WDR38: variants seen among roughly 807,000 people sequenced by gnomAD.
The protein encoded by WDR38 is WD repeat domain 38, also known as WD repeat-containing protein 38.
In WDR38, 37 loss-of-function variants were observed where a neutral mutation model predicts 36.6. The observed-to-expected ratio is 1.01, with a 90% CI of 0.78 to 1.33. The LOEUF is 1.33. Among genes scored for constraint, WDR38 ranks in the 40% most tolerant of loss-of-function variants. The pLI, the probability that WDR38 is intolerant of heterozygous loss-of-function variation, is 0.00. For synonymous variants in WDR38, 164 were observed against 168.1 expected (o/e 0.98, Z 0.19); for missense variants, 411 against 414.6 (o/e 0.99, Z 0.07).
intron 2 of WDR38, 126 bp downstream of exon 2, chr9:124,854,451 G>A (rs1025197639): frequency 2.1e-6 from 3 of 1,454,654 alleles, no homozygotes; most frequent in East Asian, 2.3e-5. Flanking sequence ...TTGGGAGATG[G>A]GACGAGATAT....
chr9:124,857,857 A>G lies in WDR38; in HGVS notation c.*227A>G. ...CAGACCCACCCACCTCCACCCAATCAGTGGAAGTGCCAGGAAACAAAGCAG... is the reference window on the plus strand; with the variant it reads ...CAGACCCACCCACCTCCACCCAATCGGTGGAAGTGCCAGGAAACAAAGCAG... On this transcript the variant is annotated 3_prime_UTR_variant, in exon 9 of 9. Coordinates refer to ENST00000373574, the MANE Select transcript of WDR38 (RefSeq NM_001045476.3). 1 of 1,589,758 alleles carries G rather than the reference A, an allele frequency of 6.3e-7. No homozygotes were observed. The highest frequency in any genetic ancestry group is 8.6e-7 in the Non-Finnish European group (1 of 1,163,804).
At chr9:124,855,552 C>A in intron 2 of WDR38, 82 bp from the exon 3 acceptor site, 1 of 1,403,904 alleles carries the variant, frequency 7.1e-7, no homozygotes, top group Non-Finnish European at 9.8e-7. Flanking sequence ...GGCGACGAGG[C>A]TGGAGAAATT....
At chr9:124,853,663 T>A (rs1158658915) in intron 1 of WDR38, 63 bp downstream of exon 1, 1 of 1,175,366 alleles carries the variant, frequency 8.5e-7, no homozygotes, top group Non-Finnish European at 1.1e-6. Flanking sequence ...CCTGGTTCTG[T>A]GTAGTGGGGG....
chr9:124,853,644 AG>A lies in WDR38; in HGVS notation c.69+45del, dbSNP rs200898102. The stretch of plus-strand genomic sequence containing the variant: ...TGCCCAGACTCCCGGCTTTGGATGC[AG>A]AGTGGTTCCTGGTTCTGTGTAGTGG... On this transcript the variant is annotated intron_variant, in intron 1 of 8. Coordinates refer to ENST00000373574, the MANE Select transcript of WDR38 (RefSeq NM_001045476.3). The A allele has an allele frequency of 2.7e-3, 3,384 of 1,249,082 alleles. 122 individuals are homozygous for A. The Admixed American group carries it at 0.076, about 28-fold the overall frequency. 77.4% of individuals were successfully genotyped at this position (1,249,082 alleles called of 1,614,324 possible). A position where few individuals can be genotyped will look rare whatever the true frequency, so the allele number is the denominator to read the frequency against.
chr9:124,855,341 CAG>C (rs1283241794), intron 2 of WDR38, among the ~76,000 whole-genome samples: 2 of 152,190 alleles, frequency 1.3e-5, no homozygotes, highest in African/African-American at 2.4e-5. Context: ...GAGGGAAAAT[CAG>C]GGGCTGGAGC....
Position 124,856,579 on chromosome 9 carries a change from C to G in WDR38, c.597C>G (p.Cys199Trp). The G allele has an allele frequency of 3.1e-6, 5 of 1,613,926 alleles. No homozygotes were observed. The highest frequency in any genetic ancestry group is 4.2e-6 in the Non-Finnish European group (5 of 1,179,958). ...EGHSANISCL[C>W]YSASGLLASG... ...ACAGTGCCAACATCAGCTGCCTGTG[C>G]TATTCAGCATCCGGCCTCCTGGTAA... Residue 199 changes from cysteine to tryptophan, a missense_variant, in exon 6 of 9, where the codon TGC becomes TGG. By Grantham distance (215) the Cys-to-Trp change is radical (BLOSUM62 -2). Coordinates refer to ENST00000373574, the MANE Select transcript of WDR38 (RefSeq NM_001045476.3).
In WDR38 at chr9:124,856,245, C is replaced by T. The variant is rs544368328; in HGVS notation, c.411C>T (p.Gly137=). ...CAGCTCAGGGCTCTCTCTAGTCCGG[C>T]CAGATGCTGCGCCTCTTAGTTGGGC... ...KRVMLWDVQS[G]QMLRLLVGHR... is the part of the protein sequence containing the mutation. The change falls in exon 5 of 9, where the codon GGC becomes GGT. Residue 137 remains glycine, a synonymous_variant. Transcript: ENST00000373574. 6.2e-7 allele frequency: 1 copy of T among 1,614,066 alleles called. No homozygotes were observed. The highest frequency in any genetic ancestry group is 1.3e-5 in the African/African-American group (1 of 74,962).
intron 7 of WDR38, among the ~76,000 whole-genome samples, chr9:124,857,093 G>GGCAT (rs1829095604): frequency 6.6e-6 from 1 of 152,226 alleles, no homozygotes; most frequent in South Asian, 2.1e-4. Context: ...TGACCCAAAT[G>GGCAT]GCATCAGGCA....
chr9:124,853,916 TTAGAG>T (rs949554722), intron 1 of WDR38, among the ~76,000 whole-genome samples: 17 of 152,262 alleles, frequency 1.1e-4, no homozygotes, highest in Non-Finnish European at 1.0e-4. Context: ...AACTCAGAAC[TTAGAG>T]TAGATTCTGG....
rs371543329 is a variant in WDR38, at chr9:124,856,294, G to T, written c.460G>T (p.Asp154Tyr). The T allele has an allele frequency of 1.9e-6, 3 of 1,614,092 alleles. No individual in the cohort carries two copies. In the African/African-American group the frequency reaches 4.0e-5, roughly 22 times the overall value. ...GCACCGTGACTCCATCCAGAGCAGC[G>T]ACTTCTCACCCACGGTGAACTGCCT... is the stretch of plus-strand genomic sequence containing the variant. ...VGHRDSIQSS[D>Y]FSPTVNCLAT... The change falls in exon 5 of 9, where the codon GAC becomes TAC. Residue 154 changes from aspartate (D) to tyrosine (Y), a missense_variant. Physicochemically the swap from Asp to Tyr is radical, Grantham distance 160 (BLOSUM62 -3). Coordinates refer to ENST00000373574, the MANE Select transcript of WDR38 (RefSeq NM_001045476.3).
chr9:124,856,848 GC>G lies in WDR38; in HGVS notation c.736del (p.Leu246CysfsTer26). On this transcript the variant is annotated frameshift_variant, in exon 7 of 9. Transcript: ENST00000373574. LOFTEE classifies it high-confidence loss of function. ...VKSIAFSPDELWLASAGYSRM... is the reference protein window; with the variant it reads ...VKSIAFSPDEXWLASAGYSRM... Reference sequence around the variant, plus strand: ...AGAGCATAGCCTTCTCTCCCGACGAGCTGTGGCTGGCCAGCGCCGGCTATTC... The same window carrying G: ...AGAGCATAGCCTTCTCTCCCGACGAGTGTGGCTGGCCAGCGCCGGCTATTC... 1 of 1,614,174 alleles carries G rather than the reference GC, an allele frequency of 6.2e-7. No individual in the cohort carries two copies. The highest frequency in any genetic ancestry group is 8.5e-7 in the Non-Finnish European group (1 of 1,180,034).
At chr9:124,857,479 G>A in intron 8 of WDR38, 23 bp from the exon 9 acceptor site, 2 of 1,614,118 alleles carry the variant, frequency 1.2e-6, no homozygotes, top group Non-Finnish European at 1.7e-6. Context: ...CTTGCCTCGA[G>A]CCCCACCTTC....
At chr9:124,856,032 C>G (rs1294091564) in intron 4 of WDR38, 74 bp downstream of exon 4, 2 of 1,587,640 alleles carry the variant, frequency 1.3e-6, no homozygotes, top group African/African-American at 1.3e-5. Context: ...CAGTCTTGCC[C>G]TCCCAGCTCA....
chr9:124,856,542 C>G lies in WDR38; in HGVS notation c.560C>G (p.Ala187Gly). The G allele has an allele frequency of 6.2e-7, 1 of 1,613,204 alleles. No homozygotes were observed. The highest frequency in any genetic ancestry group is 1.1e-5 in the South Asian group (1 of 90,984). The part of the protein sequence containing the change: ...RMVTPAVSHQ[A>G]LEGHSANISC... The stretch of plus-strand genomic sequence containing the variant: ...GTGACCCCAGCAGTCTCCCACCAGG[C>G]GCTAGAGGGACACAGTGCCAACATC... Residue 187 changes from alanine to glycine, a missense_variant, in exon 6 of 9, where the codon GCG becomes GGG. Ala to Gly is a moderately conservative substitution (Grantham distance 60). Coordinates refer to ENST00000373574, the MANE Select transcript of WDR38 (RefSeq NM_001045476.3).
intron 4 of WDR38, 23 bp from the exon 5 acceptor site, chr9:124,856,217 C>G (rs770457699): frequency 6.2e-7 from 1 of 1,614,012 alleles, no homozygotes; most frequent in Non-Finnish European, 8.5e-7. Context: ...CTGCTGCCTT[C>G]TGCAGCTCAG....
In WDR38 at chr9:124,857,702, A is replaced by T; in HGVS notation, c.*72A>T. Reference sequence around the variant, plus strand: ...GCGCACAGGCATGCCGCTTCTCCCCACAGACGCAAAGTGACTGTGCTGGCA... The same window carrying T: ...GCGCACAGGCATGCCGCTTCTCCCCTCAGACGCAAAGTGACTGTGCTGGCA... On this transcript the variant is annotated 3_prime_UTR_variant, in exon 9 of 9. Transcript: ENST00000373574. The T allele has an allele frequency of 6.3e-7, 1 of 1,597,484 alleles. No individual in the cohort carries two copies. Among genetic ancestry groups the T allele is most frequent in the Non-Finnish European group, 8.5e-7 (1 of 1,173,612 alleles).
At position 124,856,347 on chromosome 9, in the gene WDR38, C is replaced by T. The variant is rs1173460234; in HGVS notation, c.486+27C>T. 4 of 1,613,934 alleles carry T rather than the reference C, an allele frequency of 2.5e-6. No homozygotes were observed. In the South Asian group the frequency reaches 4.4e-5, roughly 18 times the overall value. On this transcript the variant is annotated intron_variant, in intron 5 of 8. Transcript: ENST00000373574. Reference sequence around the variant, plus strand: ...TGAGCCTACCCTCTGCCCTGGGCCCCACCTCAGTGGCCCCATACCCACTTG... The same window carrying T: ...TGAGCCTACCCTCTGCCCTGGGCCCTACCTCAGTGGCCCCATACCCACTTG...
rs751831516 is a variant in WDR38, at chr9:124,853,596, G to T, written c.65G>T (p.Gly22Val). Residue 22 changes from glycine (G) to valine (V), a missense_variant, in exon 1 of 9, where the codon GGG (glycine) becomes GTG (valine). Gly to Val is a moderately radical substitution (Grantham distance 109). Transcript: ENST00000373574. ...RRVKFFGQHG[G>V]EVNSSAFSPD... ...GTGAAATTCTTCGGCCAGCACGGCG[G>T]GGAGGTGAGGTCCAGCGGGCTCTGC... The T allele has an allele frequency of 7.9e-7, 1 of 1,272,058 alleles. No homozygotes were observed. Among genetic ancestry groups the T allele is most frequent in the South Asian group, 3.8e-5 (1 of 26,172 alleles). 78.8% of individuals were successfully genotyped at this position (1,272,058 alleles called of 1,614,324 possible).
intron 5 of WDR38, 51 bp from the exon 6 acceptor site, chr9:124,856,418 G>A (rs755956437): frequency 1.2e-6 from 2 of 1,612,242 alleles, no homozygotes; most frequent in South Asian, 1.1e-5. Flanking sequence ...CCGCCTAGAT[G>A]CAGAGTGGGT....
Sources: gnomAD v4.1 joint callset for allele counts (sites outside exome capture counted in the v4.1 genomes callset) on GRCh38, gnomAD v4.1.1 for gene constraint, MANE v1.5 for transcripts, NCBI Gene and HGNC (gene_info 2026-07-23, HGNC 2026-07-21) for gene names.